TLL1: variants seen among roughly 807,000 people sequenced by gnomAD.
The protein encoded by TLL1 is tolloid-like protein 1.
Under a neutral mutation model 128.2 loss-of-function variants are expected in TLL1, and 49 were observed. The observed-to-expected ratio is 0.38, with a 90% CI of 0.30 to 0.48. TLL1 has a LOEUF of 0.48. Among genes scored for constraint, TLL1 ranks in the 20% least tolerant of loss-of-function variants. The pLI is 0.96. For synonymous variants in TLL1, 454 were observed against 418.8 expected (o/e 1.08, Z -1.03); for missense variants, 1,123 against 1,242.0 (o/e 0.90, Z 1.44).
intron 1 of TLL1, among the ~76,000 whole-genome samples, chr4:165,988,293 G>A (rs1317377368): frequency 6.6e-6 from 1 of 152,026 alleles, no homozygotes; most frequent in African/African-American, 2.4e-5. Context: ...GCTTTATTAA[G>A]TAGCATAATA....
chr4:166,024,303 A>T (rs1215969363), intron 8 of TLL1, among the ~76,000 whole-genome samples: 1 of 152,172 alleles, frequency 6.6e-6, no homozygotes, highest in Non-Finnish European at 1.5e-5. Flanking sequence ...CACAAGCTAG[A>T]AGATCCATTT....
intron 7 of TLL1, among the ~76,000 whole-genome samples, chr4:166,008,271 T>G (rs994523944): frequency 2.6e-5 from 4 of 151,610 alleles, no homozygotes; most frequent in African/African-American, 9.7e-5. Flanking sequence ...GAATTTAATA[T>G]ATAAAATTTA....
In TLL1 at chr4:166,077,873, C is replaced by T. The variant is rs774300889; in HGVS notation, c.2315-30C>T. On this transcript the variant is annotated intron_variant, in intron 17 of 20. Coordinates refer to ENST00000061240, the MANE Select transcript of TLL1 (RefSeq NM_012464.5). ...GCCTCAAACCTGGGCTGGATTGCCA[C>T]ACTGTCTGATATTATGGTTATTGGT... The T allele has an allele frequency of 2.5e-6, 4 of 1,612,446 alleles. No homozygotes were observed. The Admixed American group carries it at 5.0e-5, about 20-fold the overall frequency.
At chr4:166,048,019 C>T (rs763963159) in intron 12 of TLL1, among the ~76,000 whole-genome samples, 4 of 151,858 alleles carry the variant, frequency 2.6e-5, no homozygotes, top group African/African-American at 4.8e-5. Flanking sequence ...GGCGGATCAC[C>T]TGAGGTCAGG....
chr4:166,036,141 A>T (rs1019889738), intron 9 of TLL1, among the ~76,000 whole-genome samples: 5 of 151,518 alleles, frequency 3.3e-5, no homozygotes, highest in African/African-American at 9.7e-5. Context: ...TAGGTAGCCA[A>T]TAATATCTTA....
chr4:165,994,425 T>C lies in TLL1; in HGVS notation c.406T>C (p.Phe136Leu). Residue 136 changes from phenylalanine to leucine, a missense_variant, in exon 4 of 21, where the codon TTC (phenylalanine) becomes CTC (leucine). Transcript: ENST00000061240. ...NTVKGKVPLQ[F>L]SGQNEKNRVP... ...AGTTAAGGGAAAAGTACCTCTACAA[T>C]TCTCAGGGCAAAATGAGAAAAATCG... 1 of 1,614,038 alleles carries C rather than the reference T, an allele frequency of 6.2e-7. No homozygotes were observed. Among genetic ancestry groups the C allele is most frequent in the South Asian group, 1.1e-5 (1 of 91,084 alleles).
At chr4:166,067,660 A>G (rs115022863) in intron 16 of TLL1, among the ~76,000 whole-genome samples, 1,645 of 151,938 alleles carry the variant, frequency 0.011, 35 homozygotes, top group African/African-American at 0.037. Flanking sequence ...TTAAGTATTT[A>G]TCAGTGCACT....
intron 1 of TLL1, among the ~76,000 whole-genome samples, chr4:165,896,649 A>AT (rs1460687222): frequency 2.0e-5 from 3 of 151,504 alleles, no homozygotes; most frequent in African/African-American, 4.9e-5. Flanking sequence ...TGTGCGGCTA[A>AT]TTTTTTTGTA....
chr4:165,931,209 G>A (rs987870971), intron 1 of TLL1, among the ~76,000 whole-genome samples: 3 of 152,060 alleles, frequency 2.0e-5, no homozygotes, highest in Non-Finnish European at 4.4e-5. Flanking sequence ...CAAGGCATTC[G>A]ACTATATTCC....
At chr4:165,956,200 C>A (rs1004138701) in intron 1 of TLL1, among the ~76,000 whole-genome samples, 6 of 152,102 alleles carry the variant, frequency 3.9e-5, no homozygotes, top group African/African-American at 1.4e-4. Context: ...TGATAAGGGT[C>A]TCTGTTCAGT....
intron 1 of TLL1, among the ~76,000 whole-genome samples, chr4:165,953,566 G>GAAA (rs35500206): frequency 7.4e-6 from 1 of 134,544 alleles, no homozygotes; most frequent in African/African-American, 2.8e-5. Context: ...TTTTCATTTA[G>GAAA]AAAAAAAAAA....
intron 16 of TLL1, 144 bp from the exon 17 acceptor site, chr4:166,074,734 A>G (rs1740943483): frequency 3.1e-6 from 3 of 975,772 alleles, no homozygotes; most frequent in Non-Finnish European, 4.7e-6. Context: ...GAGATCATAC[A>G]TTTTTGTTTG....
intron 1 of TLL1, among the ~76,000 whole-genome samples, chr4:165,924,569 C>T (rs995407322): frequency 6.6e-6 from 1 of 152,180 alleles, no homozygotes; most frequent in Non-Finnish European, 1.5e-5. Flanking sequence ...GGAAAGAAGC[C>T]TTCTCCATAA....
At chr4:166,023,047 A>C (rs891260410) in intron 8 of TLL1, among the ~76,000 whole-genome samples, 1 of 152,206 alleles carries the variant, frequency 6.6e-6, no homozygotes, top group Non-Finnish European at 1.5e-5. Flanking sequence ...AACTGGGATA[A>C]AGCTTTTGAG....
intron 8 of TLL1, among the ~76,000 whole-genome samples, chr4:166,022,806 T>A (rs1176438415): frequency 6.6e-6 from 1 of 152,214 alleles, no homozygotes; most frequent in Non-Finnish European, 1.5e-5. Context: ...ATTATCTAAT[T>A]TAAAATAAGA....
At chr4:165,975,076 G>A (rs1490290875) in intron 1 of TLL1, among the ~76,000 whole-genome samples, 1 of 152,126 alleles carries the variant, frequency 6.6e-6, no homozygotes, top group Non-Finnish European at 1.5e-5. Flanking sequence ...GTCTCATGTT[G>A]GTTGGAAGGA....
At chr4:166,044,252 A>G (rs1739362126) in intron 12 of TLL1, 3 of 753,226 alleles carry the variant, frequency 4.0e-6, no homozygotes, top group Admixed American at 2.5e-5. Context: ...TAATTCACTA[A>G]GTGATCAGAA....
chr4:166,093,525 A>G (rs1741876978), intron 19 of TLL1, among the ~76,000 whole-genome samples: 2 of 152,136 alleles, frequency 1.3e-5, no homozygotes, highest in African/African-American at 2.4e-5. Flanking sequence ...CAAATGTACA[A>G]TCGGGTTTTA....
chr4:165,883,912 A>G (rs1326769425), intron 1 of TLL1, among the ~76,000 whole-genome samples: 4 of 152,180 alleles, frequency 2.6e-5, no homozygotes, highest in Admixed American at 6.5e-5. Context: ...ACAATTTTCA[A>G]TTCACGTTGA....
Sources: gnomAD v4.1 joint callset for allele counts (sites outside exome capture counted in the v4.1 genomes callset) on GRCh38, gnomAD v4.1.1 for gene constraint, MANE v1.5 for transcripts, NCBI Gene and HGNC (gene_info 2026-07-23, HGNC 2026-07-21) for gene names.